The following SPATA6 variants were observed in gnomAD, a reference collection of about 807,000 sequenced individuals.
SPATA6 encodes spermatogenesis-associated protein 6.
In SPATA6, 56 loss-of-function variants were observed where a neutral mutation model predicts 65.3. That is an observed-to-expected ratio of 0.86 (90% CI 0.69 to 1.07). SPATA6 has a LOEUF of 1.07. Among genes scored for constraint, SPATA6 ranks in the 50% least tolerant of loss-of-function variants. The pLI, the probability that SPATA6 is intolerant of heterozygous loss-of-function variation, is 0.00. For synonymous variants in SPATA6, 199 were observed against 213.2 expected, an observed-to-expected ratio of 0.93 and a Z score of 0.58; for missense variants, 590 against 594.8, an observed-to-expected ratio of 0.99 and a Z score of 0.08.
intron 11 of SPATA6, among the ~76,000 whole-genome samples, chr1:48,338,161 T>C (rs997551581): frequency 2.6e-5 from 4 of 151,928 alleles, no homozygotes; most frequent in East Asian, 1.9e-4. Context: ...GACTCACATA[T>C]ATACAATTGC....
intron 8 of SPATA6, among the ~76,000 whole-genome samples, chr1:48,391,401 A>G (rs1458539667): frequency 2.0e-5 from 3 of 152,010 alleles, no homozygotes; most frequent in African/African-American, 7.2e-5. Context: ...AGGATATGCT[A>G]ACTTTGAAAA....
intron 4 of SPATA6, among the ~76,000 whole-genome samples, chr1:48,412,336 C>A (rs545243913): frequency 2.6e-5 from 4 of 151,992 alleles, no homozygotes. Context: ...TAATAATATG[C>A]AACACACAAA....
chr1:48,276,422 T>C, the SPATA6 span, among the ~76,000 whole-genome samples: 1 of 152,234 alleles, frequency 6.6e-6, no homozygotes, highest in Non-Finnish European at 1.5e-5. Context: ...TTAATTATGA[T>C]GTCAGGGTGT....
Position 48,355,746 on chromosome 1 carries a change from G to A in SPATA6, c.1118C>T (p.Pro373Leu), listed in dbSNP as rs1291991273. Residue 373 changes from proline to leucine, a missense_variant, in exon 11 of 13, where the codon CCT (proline) becomes CTT (leucine). Transcript: ENST00000371847. ...GTCATGGATCTCATCGCAGTTTGAA[G>A]GTGAACACCAATCAGAATGAAATCT... ...RERFHSDWCS[P>L]SNCDEIHDRV... 1 of 1,612,754 alleles carries A rather than the reference G, an allele frequency of 6.2e-7. No homozygotes were observed. The highest frequency in any genetic ancestry group is 1.1e-5 in the South Asian group (1 of 90,948).
chr1:48,342,005 T>G (rs138928741), intron 11 of SPATA6, among the ~76,000 whole-genome samples: 1 of 152,218 alleles, frequency 6.6e-6, no homozygotes, highest in East Asian at 1.9e-4. Context: ...GGTAGCACTA[T>G]TAGTATTAGC....
At chr1:48,317,940 A>G (rs920806103) in intron 11 of SPATA6, among the ~76,000 whole-genome samples, 3 of 152,208 alleles carry the variant, frequency 2.0e-5, no homozygotes, top group African/African-American at 7.2e-5. Flanking sequence ...CCAGCAAGAC[A>G]TAAAAAGAAT....
At chr1:48,285,660 C>T in the SPATA6 span, among the ~76,000 whole-genome samples, 1 of 152,100 alleles carries the variant, frequency 6.6e-6, no homozygotes, top group Non-Finnish European at 1.5e-5. Flanking sequence ...CCTCATGGCA[C>T]AGTCCCTCAC....
At chr1:48,305,722 G>T in intron 12 of SPATA6, 65 bp downstream of exon 12, 1 of 1,182,170 alleles carries the variant, frequency 8.5e-7, no homozygotes, top group Non-Finnish European at 1.2e-6. Flanking sequence ...CATAAATTCA[G>T]CATATTATAA....
chr1:48,368,317 A>T (rs1212077009), intron 9 of SPATA6, among the ~76,000 whole-genome samples: 1 of 152,020 alleles, frequency 6.6e-6, no homozygotes, highest in Non-Finnish European at 1.5e-5. Context: ...CGTTCTCTGT[A>T]TTTCCTGAAT....
chr1:48,272,245 C>T, the SPATA6 span, among the ~76,000 whole-genome samples: 1 of 152,106 alleles, frequency 6.6e-6, no homozygotes, highest in Non-Finnish European at 1.5e-5. Context: ...TTATACAACA[C>T]AGTTTATTAA....
At chr1:48,279,974 C>G in the SPATA6 span, among the ~76,000 whole-genome samples, 2 of 152,124 alleles carry the variant, frequency 1.3e-5, no homozygotes, top group Non-Finnish European at 2.9e-5. Flanking sequence ...GAAATTATAA[C>G]AAACTGTCTC....
At chr1:48,274,855 G>GT in the SPATA6 span, among the ~76,000 whole-genome samples, 1 of 152,156 alleles carries the variant, frequency 6.6e-6, no homozygotes, top group African/African-American at 2.4e-5. Context: ...ATTTAAAGTA[G>GT]TTTTTTCTAA....
intron 11 of SPATA6, among the ~76,000 whole-genome samples, chr1:48,308,473 G>C (rs1366206873): frequency 6.6e-6 from 1 of 151,958 alleles, no homozygotes; most frequent in Admixed American, 6.6e-5. Flanking sequence ...TCAGATATAA[G>C]AACTAAAGAG....
chr1:48,272,773 C>T, the SPATA6 span, among the ~76,000 whole-genome samples: 791 of 152,154 alleles, frequency 5.2e-3, 20 homozygotes, highest in South Asian at 0.05. Flanking sequence ...ATTTCCATAA[C>T]GGCTATGGAA....
At chr1:48,262,530 A>G in the SPATA6 span, 1 of 152,176 alleles carries the variant, frequency 6.6e-6, no homozygotes. Context: ...ACACATAATT[A>G]GGGAACAATC....
At chr1:48,267,820 C>T in the SPATA6 span, among the ~76,000 whole-genome samples, 23 of 126,954 alleles carry the variant, frequency 1.8e-4, no homozygotes, top group South Asian at 8.2e-4. Flanking sequence ...GACACGATCT[C>T]GGCTCACTGC....
the SPATA6 span, chr1:48,263,039 G>A: frequency 6.6e-6 from 1 of 152,012 alleles, no homozygotes; most frequent in Non-Finnish European, 1.5e-5. Context: ...GGCAAACAAA[G>A]AATGACAGGT....
At chr1:48,408,159 A>T (rs920117544) in intron 5 of SPATA6, among the ~76,000 whole-genome samples, 4 of 152,214 alleles carry the variant, frequency 2.6e-5, no homozygotes, top group Non-Finnish European at 5.9e-5. Context: ...TCATAAATCT[A>T]TAGGAGAAAT....
chr1:48,463,534 A>G (rs1369278898), intron 1 of SPATA6, among the ~76,000 whole-genome samples: 1 of 152,208 alleles, frequency 6.6e-6, no homozygotes, highest in African/African-American at 2.4e-5. Context: ...TTAAACAGCA[A>G]CTGGAAGCAA....
Sources: gnomAD v4.1 joint callset for allele counts (sites outside exome capture counted in the v4.1 genomes callset) on GRCh38, gnomAD v4.1.1 for gene constraint, MANE v1.5 for transcripts, NCBI Gene and HGNC (gene_info 2026-07-23, HGNC 2026-07-21) for gene names.